LCT: variants seen among roughly 807,000 people sequenced by gnomAD.
LCT encodes the protein lactase/phlorizin hydrolase.
Under a neutral mutation model 173.0 loss-of-function variants are expected in LCT, and 90 were observed. That is an observed-to-expected ratio of 0.52 (90% CI 0.44 to 0.62). LCT has a LOEUF of 0.62. Among genes scored for constraint, LCT ranks in the 20% least tolerant of loss-of-function variants. LCT has a pLI of 0.00. For missense variants in LCT, 1,864 were observed against 2,431.4 expected (o/e 0.77, Z 4.91); for synonymous variants, 853 against 957.6 (o/e 0.89, Z 2.02).
chr2:135,795,054 C>T (rs1297452276), intron 13 of LCT, among the ~76,000 whole-genome samples: 2 of 152,204 alleles, frequency 1.3e-5, no homozygotes, highest in Non-Finnish European at 2.9e-5. Flanking sequence ...CGCACACACA[C>T]ACACACACAC....
chr2:135,806,451 C>G (rs1296228376), intron 9 of LCT, among the ~76,000 whole-genome samples: 1 of 151,952 alleles, frequency 6.6e-6, no homozygotes, highest in African/African-American at 2.4e-5. Context: ...TCATAAAGTC[C>G]ACAGTAGTGT....
chr2:135,806,911 A>G (rs1385565176), intron 9 of LCT, among the ~76,000 whole-genome samples: 1 of 152,174 alleles, frequency 6.6e-6, no homozygotes, highest in African/African-American at 2.4e-5. Flanking sequence ...GCAAGCACCC[A>G]TCTCAGGACA....
chr2:135,835,976 G>GTATATAAATATA lies in LCT; in HGVS notation c.640+553_640+554insTATATTTATATA, dbSNP rs1553436125. ...AGGGGTATTTCAAAAATACATGTGT[G>GTATATAAATATA]TATATATATATATATATATATATAT... is the stretch of plus-strand genomic sequence containing the variant. On this transcript the variant is annotated intron_variant, in intron 1 of 16. Coordinates refer to ENST00000264162, the MANE Select transcript of LCT (RefSeq NM_002299.4). Among the ~76,000 whole-genome samples the GTATATAAATATA allele has an allele frequency of 4.3e-3, 346 of 80,424 alleles. 26 individuals are homozygous for GTATATAAATATA. Among genetic ancestry groups the GTATATAAATATA allele is most frequent in the African/African-American group, 0.021 (319 of 15,002 alleles). 52.8% of individuals were successfully genotyped at this position (80,424 alleles called of 152,430 possible). A position where few individuals can be genotyped will look rare whatever the true frequency, so the allele number is the denominator to read the frequency against.
intron 12 of LCT, among the ~76,000 whole-genome samples, chr2:135,799,351 C>T (rs542426850): frequency 2.6e-4 from 39 of 152,212 alleles, no homozygotes; most frequent in Non-Finnish European, 4.6e-4. Flanking sequence ...GGAGAGAGCA[C>T]CTTCTATCCC....
intron 2 of LCT, among the ~76,000 whole-genome samples, chr2:135,830,067 G>T (rs1170482078): frequency 6.6e-6 from 1 of 152,156 alleles, no homozygotes; most frequent in Non-Finnish European, 1.5e-5. Flanking sequence ...TGGCCAGGAT[G>T]GGGGTGGTGG....
In LCT at chr2:135,788,049, T is replaced by C. The variant is rs1008625417; in HGVS notation, c.*275A>G. ...AGCCCTGTTAAGTTCAATTAAGTGG[T>C]TCACAGACCCACTAGACCAGTATCT... On this transcript the variant is annotated 3_prime_UTR_variant, in exon 17 of 17. Coordinates refer to ENST00000264162, the MANE Select transcript of LCT (RefSeq NM_002299.4). The C allele has an allele frequency of 4.2e-6, 2 of 475,714 alleles. No homozygotes were observed. The highest frequency in any genetic ancestry group is 8.0e-5 in the East Asian group (2 of 24,950). The allele number at this position is 475,714 out of a possible 1,614,324, so 29.5% of individuals were successfully genotyped here. A position where few individuals can be genotyped will look rare whatever the true frequency, so the allele number is the denominator to read the frequency against.
intron 13 of LCT, among the ~76,000 whole-genome samples, chr2:135,795,271 G>C (rs1315648461): frequency 6.6e-6 from 1 of 151,392 alleles, no homozygotes; most frequent in Non-Finnish European, 1.5e-5. Flanking sequence ...GCAGTGGCGC[G>C]ATCTCAGCTC....
intron 8 of LCT, 109 bp from the exon 9 acceptor site, chr2:135,807,505 G>T: frequency 9.8e-7 from 1 of 1,024,824 alleles, no homozygotes; most frequent in Non-Finnish European, 1.5e-6. Flanking sequence ...TCCTAAAAGT[G>T]ACATACACCC....
chr2:135,812,498 G>C lies in LCT; in HGVS notation c.2166C>G (p.Ser722=). The change falls in exon 7 of 17, where the codon TCC becomes TCG. Residue 722 remains serine (S), a synonymous_variant. Coordinates refer to ENST00000264162, the MANE Select transcript of LCT (RefSeq NM_002299.4). ...HVNHVWPQTS[S]SWIRVVPWGI... Reference sequence around the variant, plus strand: ...CCCAGGGCACCACACGAATCCAAGAGGATGAGGTCTGGGGCCACACATGGT... The same window carrying C: ...CCCAGGGCACCACACGAATCCAAGACGATGAGGTCTGGGGCCACACATGGT... 1 of 1,614,226 alleles carries C rather than the reference G, an allele frequency of 6.2e-7. No homozygotes were observed. Among genetic ancestry groups the C allele is most frequent in the Non-Finnish European group, 8.5e-7 (1 of 1,180,042 alleles).
intron 13 of LCT, 139 bp from the exon 14 acceptor site, chr2:135,794,914 A>G (rs2077568243): frequency 3.1e-6 from 3 of 958,344 alleles, no homozygotes; most frequent in Non-Finnish European, 4.9e-6. Flanking sequence ...AGGGAAGGAG[A>G]AGAGGTCCTT....
At chr2:135,804,703 C>T in intron 10 of LCT, 64 bp downstream of exon 10, 3 of 1,428,666 alleles carry the variant, frequency 2.1e-6, no homozygotes, top group Middle Eastern at 2.5e-4. Flanking sequence ...GATAAATGTG[C>T]TCCCCCAGCC....
intron 14 of LCT, among the ~76,000 whole-genome samples, chr2:135,791,599 T>C (rs976096256): frequency 6.6e-6 from 1 of 152,218 alleles, no homozygotes; most frequent in Non-Finnish European, 1.5e-5. Flanking sequence ...CCTGGATTTA[T>C]CTGACTCAGC....
intron 2 of LCT, 37 bp from the exon 3 acceptor site, chr2:135,829,713 AG>A (rs754483248): frequency 6.7e-6 from 9 of 1,352,606 alleles, no homozygotes; most frequent in Non-Finnish European, 8.5e-6. Context: ...TTAGAACCTA[AG>A]CACTGTCAAG....
At chr2:135,833,069 C>G in intron 2 of LCT, 42 bp downstream of exon 2, 1 of 1,427,206 alleles carries the variant, frequency 7.0e-7, no homozygotes, top group Non-Finnish European at 9.9e-7. Context: ...TAAAATCAAA[C>G]TCTCCTCAGA....
At chr2:135,793,938 CCAA>C (rs1443644427) in intron 14 of LCT, among the ~76,000 whole-genome samples, 12 of 148,238 alleles carry the variant, frequency 8.1e-5, no homozygotes, top group Admixed American at 7.5e-4. Flanking sequence ...ACCATTCTGG[CCAA>C]CATGATGAAA....
At position 135,790,088 on chromosome 2, in the gene LCT, T is replaced by C. The variant is rs1368172264; in HGVS notation, c.5336-290A>G. Among the ~76,000 whole-genome samples, 1 of 152,234 alleles carries C rather than the reference T, an allele frequency of 6.6e-6. No individual in the cohort carries two copies. The highest frequency in any genetic ancestry group is 1.5e-5 in the Non-Finnish European group (1 of 68,034). ...TTTCCCTGGGTCACCTACACTTCTA[T>C]CCATGATCTTGGTCAGTGCCTTAGA... is the stretch of plus-strand genomic sequence containing the variant. On this transcript the variant is annotated intron_variant, in intron 15 of 16. Coordinates refer to ENST00000264162, the MANE Select transcript of LCT (RefSeq NM_002299.4). The surrounding 1 kb of genome is among the most constrained non-coding windows in gnomAD (Gnocchi z 4.1).
intron 1 of LCT, among the ~76,000 whole-genome samples, chr2:135,836,108 T>C (rs11895319): frequency 0.27 from 40,833 of 149,388 alleles, 6,984 homozygotes; most frequent in African/African-American, 0.45. Context: ...AACATCTGCC[T>C]CCTGGGTTCA....
At chr2:135,797,290 G>C (rs536330404) in intron 13 of LCT, among the ~76,000 whole-genome samples, 1 of 152,244 alleles carries the variant, frequency 6.6e-6, no homozygotes, top group African/African-American at 2.4e-5. Context: ...ATATGGGGGC[G>C]TCTAGGGGCA....
At chr2:135,807,083 G>A (rs771402192) in intron 9 of LCT, 45 bp downstream of exon 9, 18 of 1,606,266 alleles carry the variant, frequency 1.1e-5, no homozygotes, top group Non-Finnish European at 1.5e-5. Context: ...CCTGGCACAG[G>A]GCAGGTGTGC....
Sources: allele counts gnomAD v4.1 joint callset (sites outside exome capture counted in the v4.1 genomes callset), GRCh38; gene constraint gnomAD v4.1.1; non-coding constraint Gnocchi (gnomAD v3.1); transcripts MANE v1.5; gene names NCBI Gene and HGNC (gene_info 2026-07-23, HGNC 2026-07-21).